Variants in ROBO2 observed in about 807,000 individuals in gnomAD.
The protein encoded by ROBO2 is roundabout homolog 2.
ROBO2 carries 53 observed loss-of-function variants against 160.8 expected under a neutral mutation model. The observed-to-expected ratio is 0.33, with a 90% CI of 0.26 to 0.41. The LOEUF (loss-of-function observed/expected upper bound fraction) is 0.41, where lower values mean the gene tolerates loss of function less well. Ranked by LOEUF, ROBO2 falls within the 10% of genes least tolerant of loss-of-function variation. The probability of loss-of-function intolerance (pLI) is 1.00; values close to 1 mark genes in which losing one functional copy is unlikely to be tolerated. For missense variants in ROBO2, 1,577 were observed against 1,722.4 expected, an observed-to-expected ratio of 0.92 and a Z score of 1.49; for synonymous variants, 664 against 611.7, an observed-to-expected ratio of 1.09 and a Z score of -1.26.
At chr3:77,406,584 A>T (rs1467530814) in intron 2 of ROBO2, among the ~76,000 whole-genome samples, 2 of 152,172 alleles carry the variant, frequency 1.3e-5, no homozygotes, top group East Asian at 3.8e-4. Context: ...AATTAGTAAT[A>T]CTTATTAATT....
chr3:77,147,076 A>AT (rs1647887210), intron 2 of ROBO2, among the ~76,000 whole-genome samples: 1 of 152,176 alleles, frequency 6.6e-6, no homozygotes, highest in African/African-American at 2.4e-5. Context: ...TATGGTAGAA[A>AT]TTTTTTTACC....
At chr3:76,158,910 T>C (rs1455619391) in intron 2 of ROBO2, among the ~76,000 whole-genome samples, 1 of 152,206 alleles carries the variant, frequency 6.6e-6, no homozygotes, top group Non-Finnish European at 1.5e-5. Flanking sequence ...ATTGTTTATA[T>C]GTAAAATTCT....
At chr3:76,456,350 A>G (rs977558406) in intron 2 of ROBO2, among the ~76,000 whole-genome samples, 2 of 152,218 alleles carry the variant, frequency 1.3e-5, no homozygotes, top group African/African-American at 4.8e-5. Flanking sequence ...TGTTCTAATT[A>G]TATCATCAAT....
Position 76,055,279 on chromosome 3 carries a change from G to C in ROBO2, c.109+117677G>C, listed in dbSNP as rs550690131. The stretch of plus-strand genomic sequence containing the variant: ...GAGCTACAATTCAAGATGAGATTTG[G>C]GTGGGGACACAAAGCCAAACCATAT... On this transcript the variant is annotated intron_variant, in intron 2 of 26. Transcript: ENST00000487694. 1.4e-4 allele frequency among the ~76,000 whole-genome samples: 21 copies of C among 152,170 alleles called. No individual in the cohort carries two copies. The East Asian group carries it at 3.9e-3, about 28-fold the overall frequency.
intron 2 of ROBO2, among the ~76,000 whole-genome samples, chr3:77,433,468 C>T (rs1246142072): frequency 9.3e-6 from 1 of 107,156 alleles, no homozygotes; most frequent in Non-Finnish European, 2.0e-5. Flanking sequence ...AAGGATTTTC[C>T]TTCTTCTCTG....
At chr3:77,053,774 A>G (rs2065446478) in intron 1 of ROBO2, among the ~76,000 whole-genome samples, 1 of 152,196 alleles carries the variant, frequency 6.6e-6, no homozygotes. Context: ...ATAAATGTAA[A>G]CTAATTCTTC....
At chr3:76,058,140 CAT>C (rs914094763) in intron 2 of ROBO2, among the ~76,000 whole-genome samples, 4 of 151,996 alleles carry the variant, frequency 2.6e-5, no homozygotes, top group Admixed American at 6.6e-5. Flanking sequence ...TTCTGGGACA[CAT>C]GTGCAGAATG....
intron 2 of ROBO2, among the ~76,000 whole-genome samples, chr3:76,934,885 T>G (rs1361777964): frequency 2.6e-5 from 4 of 152,142 alleles, no homozygotes; most frequent in African/African-American, 9.7e-5. Flanking sequence ...AAATAAAAAT[T>G]TAAGCCCTTT....
chr3:75,972,908 C>G (rs182848016), intron 2 of ROBO2, among the ~76,000 whole-genome samples: 6 of 151,508 alleles, frequency 4.0e-5, no homozygotes, highest in African/African-American at 1.5e-4. Flanking sequence ...CCTTGTTCAC[C>G]CTATCTATTA....
In ROBO2 at chr3:76,741,893, C is replaced by T. The variant is rs1353334229; in HGVS notation, c.110-356121C>T. The stretch of plus-strand genomic sequence containing the variant: ...CTTTAGGGCATTGAGAGGTAAATGG[C>T]CTTCTTTTTATGCCCTAATATAGTA... On this transcript the variant is annotated intron_variant, in intron 2 of 26. Coordinates refer to the ROBO2 transcript ENST00000487694. 3.9e-5 allele frequency among the ~76,000 whole-genome samples: 6 copies of T among 151,996 alleles called. No individual in the cohort carries two copies. The South Asian group carries it at 1.2e-3, about 32-fold the overall frequency.
intron 2 of ROBO2, among the ~76,000 whole-genome samples, chr3:76,477,541 A>G (rs1196811741): frequency 6.6e-6 from 1 of 152,168 alleles, no homozygotes; most frequent in Non-Finnish European, 1.5e-5. Flanking sequence ...TGTCATTCAA[A>G]AATATGAAAG....
chr3:77,562,394 G>A lies in ROBO2; in HGVS notation c.1438-257G>A, dbSNP rs148865043. On this transcript the variant is annotated intron_variant, in intron 9 of 25. Coordinates refer to ENST00000461745, the Ensembl canonical transcript of ROBO2. ...ATCACAGAGGAAGAAAAAGAGAGGG[G>A]CAAATTGTTTATCAGACAAATTAAC... Among the ~76,000 whole-genome samples, 686 of 152,008 alleles carry A rather than the reference G, an allele frequency of 4.5e-3. 3 individuals carry two copies. The highest frequency in any genetic ancestry group is 0.016 in the African/African-American group (650 of 41,502).
intron 2 of ROBO2, among the ~76,000 whole-genome samples, chr3:76,095,775 CACACACACACACAA>C (rs1158206406): frequency 5.3e-5 from 7 of 132,714 alleles, no homozygotes; most frequent in African/African-American, 1.7e-4. Context: ...CACACACACA[CACACACACACACAA>C]GATAATCATC....
At chr3:76,212,183 C>G (rs62267407) in intron 2 of ROBO2, among the ~76,000 whole-genome samples, 1 of 151,622 alleles carries the variant, frequency 6.6e-6, no homozygotes, top group African/African-American at 2.4e-5. Context: ...TTCTTTAATT[C>G]TTTCATTTAA....
chr3:76,754,914 G>A (rs1165666679), intron 2 of ROBO2, among the ~76,000 whole-genome samples: 1 of 151,858 alleles, frequency 6.6e-6, no homozygotes, highest in Non-Finnish European at 1.5e-5. Flanking sequence ...TATGCATTGT[G>A]AATTCTATAC....
chr3:77,410,678 CTCCTCCTCT>C (rs1460033919), intron 2 of ROBO2, among the ~76,000 whole-genome samples: 2 of 145,512 alleles, frequency 1.4e-5, no homozygotes, highest in East Asian at 2.1e-4. Context: ...CCTCTTCCTC[CTCCTCCTCT>C]TCCTCCTCCT....
chr3:77,511,582 A>T (rs1336596386), intron 5 of ROBO2, among the ~76,000 whole-genome samples: 1 of 151,982 alleles, frequency 6.6e-6, no homozygotes, highest in Non-Finnish European at 1.5e-5. Context: ...TTGCTCTCTC[A>T]GCTGTGCTAA....
chr3:76,744,004 T>C (rs1423061238), intron 2 of ROBO2, among the ~76,000 whole-genome samples: 1 of 152,080 alleles, frequency 6.6e-6, no homozygotes, highest in Admixed American at 6.6e-5. Flanking sequence ...AGGAAATTTA[T>C]TGAATAACTA....
intron 2 of ROBO2, among the ~76,000 whole-genome samples, chr3:76,641,780 C>T (rs2090688386): frequency 1.3e-5 from 2 of 152,126 alleles, no homozygotes; most frequent in South Asian, 4.1e-4. Flanking sequence ...TCTCTATCAC[C>T]TAGGCTGAGT....
Sources: allele counts gnomAD v4.1 joint callset (sites outside exome capture counted in the v4.1 genomes callset), GRCh38; gene constraint gnomAD v4.1.1; transcripts MANE v1.5; gene names NCBI Gene and HGNC (gene_info 2026-07-23, HGNC 2026-07-21).